PCDHGA8: variants seen among roughly 807,000 people sequenced by gnomAD.
PCDHGA8 encodes protocadherin gamma-A8.
PCDHGA8 carries 45 observed loss-of-function variants against 59.2 expected under a neutral mutation model. The observed-to-expected ratio is 0.76, with a 90% CI of 0.60 to 0.98. The LOEUF (loss-of-function observed/expected upper bound fraction) is 0.98. Among genes scored for constraint, PCDHGA8 ranks in the 50% least tolerant of loss-of-function variants. PCDHGA8 has a pLI of 0.00. For synonymous variants in PCDHGA8, 531 were observed against 519.0 expected (o/e 1.02, Z -0.32); for missense variants, 1,257 against 1,196.2 (o/e 1.05, Z -0.75).
chr5:141,507,023 C>T (rs971356315), intron 3 of PCDHGA8: 16 of 152,348 alleles, frequency 1.1e-4, no homozygotes, highest in African/African-American at 2.4e-4. Flanking sequence ...AAGGCACTTG[C>T]CCCAGGGTCC....
rs756423770 is a variant in PCDHGA8 at position 141,430,950 on chromosome 5, T to G, written c.2424+35713T>G. 8 of 1,609,862 alleles carry G rather than the reference T, an allele frequency of 5.0e-6. No individual in the cohort carries two copies. The East Asian group carries it at 1.6e-4, about 31-fold the overall frequency. On this transcript the variant is annotated intron_variant, in intron 1 of 3. Coordinates refer to ENST00000398604, the MANE Select transcript of PCDHGA8 (RefSeq NM_032088.2). ...CCCCGGGAGCTCGCGGAGCGCGGAG[T>G]CCGCATCATCCCCAGAGGTAGGACG...
At chr5:141,413,844 C>A in intron 1 of PCDHGA8, 2 of 1,613,254 alleles carry the variant, frequency 1.2e-6, no homozygotes, top group Non-Finnish European at 1.7e-6. Context: ...ACGGGGGTGA[C>A]CCTCTCCGAT....
intron 1 of PCDHGA8, among the ~76,000 whole-genome samples, chr5:141,461,004 T>C (rs2099006736): frequency 6.6e-6 from 1 of 151,664 alleles, no homozygotes; most frequent in Non-Finnish European, 1.5e-5. Context: ...TATGTGTATA[T>C]ATATATACCA....
Position 141,477,685 on chromosome 5 carries a change from G to A in PCDHGA8, c.2425-17122G>A, listed in dbSNP as rs1218415502. ...ACAATGGCATAGTGTCATCCTTAGT[G>A]CCCCTAGACTATGAGGATCGGCGGG... On this transcript the variant is annotated intron_variant, in intron 1 of 3. Transcript: ENST00000398604. This position sits in a 1 kb window ranked among gnomAD's most constrained non-coding sequence, Gnocchi z 4.9. The A allele has an allele frequency of 6.2e-7, 1 of 1,614,116 alleles. No individual in the cohort carries two copies. The highest frequency in any genetic ancestry group is 8.5e-7 in the Non-Finnish European group (1 of 1,180,040).
chr5:141,397,695 C>T lies in PCDHGA8; in HGVS notation c.2424+2458C>T, dbSNP rs146807025. ...AATGTATGCAGGTTTGTATAAAAAC[C>T]CAACGTGATATTTCTAACAATTTGG... On this transcript the variant is annotated intron_variant, in intron 1 of 3. Coordinates refer to ENST00000398604, the MANE Select transcript of PCDHGA8 (RefSeq NM_032088.2). 1.4e-3 allele frequency among the ~76,000 whole-genome samples: 211 copies of T among 152,210 alleles called. 1 individual carries two copies. Among genetic ancestry groups the T allele is most frequent in the African/African-American group, 4.7e-3 (197 of 41,534 alleles).
intron 1 of PCDHGA8, among the ~76,000 whole-genome samples, chr5:141,435,547 G>T (rs2097769325): frequency 6.6e-6 from 1 of 152,114 alleles, no homozygotes. Context: ...AACAAAATGT[G>T]TTTTGAGTGC....
chr5:141,438,586 A>G (rs949534736), intron 1 of PCDHGA8, among the ~76,000 whole-genome samples: 2 of 56,254 alleles, frequency 3.6e-5, no homozygotes, highest in South Asian at 6.2e-4. Context: ...ATACATACAT[A>G]CATACATATA....
At chr5:141,430,656 G>A in intron 1 of PCDHGA8, 1 of 1,092,670 alleles carries the variant, frequency 9.2e-7, no homozygotes, top group Non-Finnish European at 1.3e-6. Context: ...GGAAACAACG[G>A]AGGAGCTCTG....
At chr5:141,481,811 G>A (rs1050821120) in intron 1 of PCDHGA8, among the ~76,000 whole-genome samples, 1 of 151,892 alleles carries the variant, frequency 6.6e-6, no homozygotes. Context: ...AATTCACCAG[G>A]CGTGGTGGCT....
chr5:141,433,374 T>A (rs948922353), intron 1 of PCDHGA8, among the ~76,000 whole-genome samples: 36 of 150,958 alleles, frequency 2.4e-4, no homozygotes, highest in African/African-American at 8.6e-4. Flanking sequence ...TATCTATCTA[T>A]CTATCTATCT....
intron 1 of PCDHGA8, chr5:141,426,750 G>A (rs1287163824): frequency 2.2e-6 from 1 of 456,160 alleles, no homozygotes; most frequent in Non-Finnish European, 4.4e-6. Context: ...CCTGGAATCT[G>A]CTATAGATGC....
chr5:141,408,377 C>T (rs1322642798), intron 1 of PCDHGA8: 4 of 1,613,902 alleles, frequency 2.5e-6, no homozygotes, highest in Non-Finnish European at 3.4e-6. Context: ...GCTCAGTGTC[C>T]TGGATGTGTC....
intron 1 of PCDHGA8, chr5:141,410,847 GTCT>G: frequency 6.3e-6 from 1 of 158,248 alleles, no homozygotes. Context: ...TTTTGTCTTT[GTCT>G]TTTTTTTTTT....
At chr5:141,496,400 A>G (rs540108338) in intron 2 of PCDHGA8, among the ~76,000 whole-genome samples, 2 of 152,240 alleles carry the variant, frequency 1.3e-5, no homozygotes, top group East Asian at 3.9e-4. Flanking sequence ...TACCTCCTCA[A>G]TGGTTGAGTA....
intron 1 of PCDHGA8, chr5:141,417,577 C>A: frequency 2.3e-6 from 1 of 439,676 alleles, no homozygotes; most frequent in Non-Finnish European, 4.0e-6. Flanking sequence ...AAGTTGCAGT[C>A]CCACACAGAG....
chr5:141,395,248 T>A lies in PCDHGA8; in HGVS notation c.2424+11T>A. On this transcript the variant is annotated intron_variant, in intron 1 of 3. Transcript: ENST00000398604. Reference sequence around the variant, plus strand: ...GCTGATCATGGTCAGGTGAGTTTAGTTCTTTGCTTGCTTTTAATTTCCAGA... The same window carrying A: ...GCTGATCATGGTCAGGTGAGTTTAGATCTTTGCTTGCTTTTAATTTCCAGA... 6.4e-7 allele frequency: 1 copy of A among 1,561,360 alleles called. No individual in the cohort carries two copies. The highest frequency in any genetic ancestry group is 8.7e-7 in the Non-Finnish European group (1 of 1,152,848).
intron 1 of PCDHGA8, chr5:141,398,594 T>C: frequency 6.2e-7 from 1 of 1,614,028 alleles, no homozygotes; most frequent in African/African-American, 1.3e-5. Flanking sequence ...ATACTAGAAG[T>C]AGCAGAAGAT....
At chr5:141,508,927 A>C (rs1562237319) in intron 3 of PCDHGA8, among the ~76,000 whole-genome samples, 1 of 151,542 alleles carries the variant, frequency 6.6e-6, no homozygotes. Context: ...TTCCTTTTGG[A>C]GTTAATTAGG....
At chr5:141,400,609 A>G (rs376731583) in intron 1 of PCDHGA8, 129 of 1,577,604 alleles carry the variant, frequency 8.2e-5, no homozygotes, top group South Asian at 3.2e-4. Flanking sequence ...TTCAAGTCCA[A>G]TGAGTTGTCT....
Sources: allele counts gnomAD v4.1 joint callset (sites outside exome capture counted in the v4.1 genomes callset), GRCh38; gene constraint gnomAD v4.1.1; non-coding constraint Gnocchi (gnomAD v3.1); transcripts MANE v1.5; gene names NCBI Gene and HGNC (gene_info 2026-07-23, HGNC 2026-07-21).